The following LRRIQ1 variants were observed in gnomAD, a reference collection of about 807,000 sequenced individuals.
LRRIQ1 encodes leucine-rich repeat- and IQ domain-containing protein 1.
In LRRIQ1, 210 loss-of-function variants were observed where a neutral mutation model predicts 211.9. That is an observed-to-expected ratio of 0.99 (90% CI 0.89 to 1.11). The LOEUF (loss-of-function observed/expected upper bound fraction) is 1.11. Among genes scored for constraint, LRRIQ1 ranks in the 50% most tolerant of loss-of-function variants. LRRIQ1 has a pLI of 0.00. For synonymous variants in LRRIQ1, 699 were observed against 650.1 expected, an observed-to-expected ratio of 1.08 and a Z score of -1.14; for missense variants, 2,136 against 1,939.5, an observed-to-expected ratio of 1.10 and a Z score of -1.90.
intron 11 of LRRIQ1, among the ~76,000 whole-genome samples, chr12:85,090,156 A>C (rs1375320375): frequency 2.0e-5 from 3 of 152,214 alleles, no homozygotes; most frequent in Non-Finnish European, 4.4e-5. Context: ...TTAAGCCTAC[A>C]GGTGCACAGA....
chr12:85,271,954 A>G, the LRRIQ1 span, among the ~76,000 whole-genome samples: 1 of 152,164 alleles, frequency 6.6e-6, no homozygotes, highest in African/African-American at 2.4e-5. Context: ...TTTGGTGAAA[A>G]TATTGGATAA....
Position 85,055,776 on chromosome 12 carries a change from T to C in LRRIQ1, c.983T>C (p.Ile328Thr). ...AQEWKEKEAK[I>T]RQKEEENRKR... The stretch of plus-strand genomic sequence containing the variant: ...GAGTGGAAGGAAAAGGAAGCAAAAA[T>C]ACGACAAAAGGAGGAAGAAAATCGA... Residue 328 changes from isoleucine to threonine, a missense_variant, in exon 8 of 27, where the codon ATA becomes ACA. Coordinates refer to ENST00000393217, the MANE Select transcript of LRRIQ1 (RefSeq NM_001079910.2). The C allele has an allele frequency of 1.3e-6, 2 of 1,589,354 alleles. No homozygotes were observed. Among genetic ancestry groups the C allele is most frequent in the Non-Finnish European group, 1.7e-6 (2 of 1,168,394 alleles).
At chr12:85,113,579 A>C (rs989909756) in intron 15 of LRRIQ1, among the ~76,000 whole-genome samples, 1 of 152,166 alleles carries the variant, frequency 6.6e-6, no homozygotes, top group Non-Finnish European at 1.5e-5. Context: ...TACAGTATTT[A>C]ATTACATTGT....
intron 24 of LRRIQ1, among the ~76,000 whole-genome samples, chr12:85,203,769 G>C (rs559681740): frequency 6.0e-4 from 92 of 152,230 alleles, no homozygotes; most frequent in Middle Eastern, 3.4e-3. Flanking sequence ...GGTGACTCGG[G>C]TGCTGTAAAA....
At chr12:85,060,229 G>A (rs968708995) in intron 8 of LRRIQ1, among the ~76,000 whole-genome samples, 8 of 151,840 alleles carry the variant, frequency 5.3e-5, no homozygotes, top group African/African-American at 1.9e-4. Context: ...GATTGTTTTC[G>A]AGGGCTGCTT....
intron 1 of LRRIQ1, among the ~76,000 whole-genome samples, chr12:85,260,340 C>G (rs1173542863): frequency 6.6e-6 from 1 of 151,432 alleles, no homozygotes; most frequent in Non-Finnish European, 1.5e-5. Context: ...TGAAGAAAAC[C>G]CTGAAGACAT....
intron 11 of LRRIQ1, among the ~76,000 whole-genome samples, chr12:85,096,697 A>T (rs556483885): frequency 7.7e-4 from 118 of 152,260 alleles, no homozygotes; most frequent in African/African-American, 2.7e-3. Flanking sequence ...GTCAAATTTA[A>T]GTCTAGAATT....
rs1208489970 is a variant in LRRIQ1 at position 85,127,953 on chromosome 12, C to G, written c.4129C>G (p.Gln1377Glu). ...EGLPNSSIKNQTILKKGKREN... is the reference protein window; with the variant it reads ...EGLPNSSIKNETILKKGKREN... ...CCTGCCAAATTCTTCCATCAAGAAT[C>G]AGACTATTTTAAAGAAAGGAAAAAG... Residue 1377 changes from glutamine to glutamate, a missense_variant, in exon 18 of 27, where the codon CAG becomes GAG. By Grantham distance (29) the Gln-to-Glu change is conservative (BLOSUM62 2). Transcript: ENST00000393217. The G allele has an allele frequency of 6.2e-7, 1 of 1,613,070 alleles. No individual in the cohort carries two copies. The highest frequency in any genetic ancestry group is 1.1e-5 in the South Asian group (1 of 91,052).
intron 23 of LRRIQ1, among the ~76,000 whole-genome samples, chr12:85,158,824 T>G (rs1890703090): frequency 6.6e-6 from 1 of 151,758 alleles, no homozygotes; most frequent in Non-Finnish European, 1.5e-5. Context: ...TAAAAACGTG[T>G]AACAAACTAT....
chr12:85,230,917 G>C (rs1593002551), intron 25 of LRRIQ1, among the ~76,000 whole-genome samples: 1 of 151,928 alleles, frequency 6.6e-6, no homozygotes, highest in African/African-American at 2.4e-5. Context: ...GGCGCGGTAG[G>C]GGGCGCCTGT....
intron 24 of LRRIQ1, among the ~76,000 whole-genome samples, chr12:85,206,065 G>T (rs997570653): frequency 6.6e-6 from 1 of 152,212 alleles, no homozygotes; most frequent in Non-Finnish European, 1.5e-5. Context: ...CAAAGCATTT[G>T]TCAGGCCATG....
In LRRIQ1 at chr12:85,098,480, G is replaced by A. The variant is rs144781705; in HGVS notation, c.3013G>A (p.Asp1005Asn). The stretch of plus-strand genomic sequence containing the variant: ...AGATTGCTCCCATAATCATCTTACT[G>A]ATGTAGAGGGCGTTGAAAATTGTGG... ...YLDCSHNHLT[D>N]VEGVENCGLL... Residue 1005 changes from aspartate (D) to asparagine (N), a missense_variant, in exon 12 of 27, where the codon GAT becomes AAT. Coordinates refer to ENST00000393217, the MANE Select transcript of LRRIQ1 (RefSeq NM_001079910.2). 3.7e-6 allele frequency: 6 copies of A among 1,611,668 alleles called. No individual in the cohort carries two copies. In the African/African-American group the frequency reaches 8.0e-5, roughly 22 times the overall value.
chr12:85,059,189 T>C (rs1271400614), intron 8 of LRRIQ1, among the ~76,000 whole-genome samples: 3 of 152,006 alleles, frequency 2.0e-5, no homozygotes, highest in African/African-American at 7.2e-5. Context: ...CCTTGGGATG[T>C]CCTTCTGGAG....
chr12:85,053,908 C>T (rs1246872362), intron 7 of LRRIQ1, among the ~76,000 whole-genome samples: 2 of 152,112 alleles, frequency 1.3e-5, no homozygotes, highest in Non-Finnish European at 1.5e-5. Flanking sequence ...AAGGTTTCAC[C>T]GTGTTACCCA....
chr12:85,047,218 G>A, intron 5 of LRRIQ1, 29 bp from the exon 6 acceptor site: 2 of 1,494,794 alleles, frequency 1.3e-6, no homozygotes, highest in Non-Finnish European at 1.8e-6. Flanking sequence ...TCTTACAAAT[G>A]ATGATGTTAT....
intron 7 of LRRIQ1, among the ~76,000 whole-genome samples, chr12:85,053,931 T>G (rs1880654855): frequency 6.6e-6 from 1 of 152,164 alleles, no homozygotes; most frequent in Non-Finnish European, 1.5e-5. Flanking sequence ...ATTGAAAATA[T>G]TTTTAGTTTG....
intron 15 of LRRIQ1, among the ~76,000 whole-genome samples, chr12:85,118,752 A>C (rs933816276): frequency 6.6e-6 from 1 of 152,172 alleles, no homozygotes; most frequent in Non-Finnish European, 1.5e-5. Flanking sequence ...CAATCTAGGT[A>C]GAGATCTGCC....
At chr12:85,254,248 C>T (rs1896026447) in intron 1 of LRRIQ1, among the ~76,000 whole-genome samples, 1 of 152,088 alleles carries the variant, frequency 6.6e-6, no homozygotes, top group Non-Finnish European at 1.5e-5. Flanking sequence ...GCCAATTAAA[C>T]CTCTTTTCTT....
intron 17 of LRRIQ1, among the ~76,000 whole-genome samples, chr12:85,125,218 C>T (rs1223380660): frequency 6.6e-6 from 1 of 151,866 alleles, no homozygotes; most frequent in Non-Finnish European, 1.5e-5. Context: ...ATATATATAC[C>T]TTTGCACATG....
Sources: allele counts gnomAD v4.1 joint callset (sites outside exome capture counted in the v4.1 genomes callset), GRCh38; gene constraint gnomAD v4.1.1; transcripts MANE v1.5; gene names NCBI Gene and HGNC (gene_info 2026-07-23, HGNC 2026-07-21).